Variants in LINGO2 observed in about 807,000 individuals in gnomAD.
The protein encoded by LINGO2 is leucine-rich repeat and immunoglobulin-like domain-containing nogo receptor-interacting protein 2.
In LINGO2, 14 loss-of-function variants were observed where a neutral mutation model predicts 30.6. That is an observed-to-expected ratio of 0.46 (90% CI 0.30 to 0.72). LINGO2 has a LOEUF of 0.72. Ranked by LOEUF, LINGO2 falls within the 30% of genes least tolerant of loss-of-function variation. LINGO2 has a pLI of 0.07. For missense variants in LINGO2, 729 were observed against 751.7 expected (o/e 0.97, Z 0.35); for synonymous variants, 317 against 288.5 (o/e 1.10, Z -1.00).
In LINGO2 at chr9:28,346,312, G is replaced by A. The variant is rs149865613; in HGVS notation, c.-246+26524C>T. Among the ~76,000 whole-genome samples the A allele has an allele frequency of 6.3e-4, 96 of 152,126 alleles. 1 individual carries two copies. Among genetic ancestry groups the A allele is most frequent in the African/African-American group, 2.1e-3 (86 of 41,512 alleles). ...GTGAGAAAATGTGGTATTCATTCCC[G>A]CATTGGTTTGCTAAGGATAATGGCC... On this transcript the variant is annotated intron_variant, in intron 3 of 5. Transcript: ENST00000379992.
the LINGO2 span, among the ~76,000 whole-genome samples, chr9:28,956,821 T>A: frequency 7.1e-6 from 1 of 141,266 alleles, no homozygotes; most frequent in Non-Finnish European, 1.5e-5. Flanking sequence ...TCCCTCACAG[T>A]CTACTTAACA....
the LINGO2 span, among the ~76,000 whole-genome samples, chr9:29,135,484 G>A: frequency 6.6e-6 from 1 of 151,648 alleles, no homozygotes; most frequent in South Asian, 2.1e-4. Context: ...CTTGAACCCA[G>A]GAGATGGAGC....
chr9:29,107,995 C>T, the LINGO2 span, among the ~76,000 whole-genome samples: 1 of 151,914 alleles, frequency 6.6e-6, no homozygotes, highest in African/African-American at 2.4e-5. Context: ...TAGGCAGCTG[C>T]ACACAAAATC....
At chr9:28,918,992 G>A in the LINGO2 span, among the ~76,000 whole-genome samples, 1 of 152,180 alleles carries the variant, frequency 6.6e-6, no homozygotes, top group Non-Finnish European at 1.5e-5. Context: ...ACTGTATCCA[G>A]TATGTTCAAT....
At chr9:28,817,673 A>G in the LINGO2 span, among the ~76,000 whole-genome samples, 6 of 152,342 alleles carry the variant, frequency 3.9e-5, no homozygotes, top group Middle Eastern at 3.4e-3. Flanking sequence ...AGAATCATCA[A>G]TGATGGCCAA....
the LINGO2 span, among the ~76,000 whole-genome samples, chr9:28,713,896 G>A: frequency 2.6e-5 from 4 of 151,906 alleles, no homozygotes; most frequent in African/African-American, 7.3e-5. Flanking sequence ...GGTGGCTCAC[G>A]CCTGTAATCC....
At chr9:28,665,338 T>A (rs1328487464) in intron 1 of LINGO2, among the ~76,000 whole-genome samples, 1 of 152,096 alleles carries the variant, frequency 6.6e-6, no homozygotes, top group African/African-American at 2.4e-5. Flanking sequence ...CGTATGCCAT[T>A]AGATTATGTT....
chr9:28,748,238 T>C, the LINGO2 span, among the ~76,000 whole-genome samples: 3 of 152,020 alleles, frequency 2.0e-5, no homozygotes, highest in Admixed American at 6.5e-5. Context: ...TTACAGACTC[T>C]TTGGTTGTAT....
chr9:29,110,356 G>A, the LINGO2 span, among the ~76,000 whole-genome samples: 4 of 152,032 alleles, frequency 2.6e-5, no homozygotes, highest in African/African-American at 9.7e-5. Context: ...TTTTTGAGAC[G>A]GAGTCTTGCT....
the LINGO2 span, among the ~76,000 whole-genome samples, chr9:28,776,096 A>G: frequency 1.3e-5 from 2 of 152,194 alleles, no homozygotes; most frequent in Admixed American, 1.3e-4. Context: ...AGGATCCTGA[A>G]AAAGTCAGTT....
chr9:28,189,633 GAGGAAGGA>G (rs1564029355), intron 4 of LINGO2, among the ~76,000 whole-genome samples: 1 of 2,452 alleles, frequency 4.1e-4, no homozygotes, highest in East Asian at 0.017. Context: ...GGAAGGGAGG[GAGGAAGGA>G]AGGGAGGGAG....
Position 27,949,116 on chromosome 9 carries a change from G to A in LINGO2, c.1556C>T (p.Thr519Ile), listed in dbSNP as rs1340165701. Residue 519 changes from threonine to isoleucine, a missense_variant, in exon 6 of 6, where the codon ACC becomes ATC. Coordinates refer to ENST00000379992, the Ensembl canonical transcript of LINGO2. ...ATTGGAAATGGTGTCATTGGAGTCG[G>A]TCATGTACATAGGGGTCCTGTTCGC... is the stretch of plus-strand genomic sequence containing the variant. 5 of 1,614,184 alleles carry A rather than the reference G, an allele frequency of 3.1e-6. No individual in the cohort carries two copies. In the East Asian group the frequency reaches 6.7e-5, roughly 22 times the overall value.
chr9:28,234,668 T>C (rs535416877), intron 4 of LINGO2, among the ~76,000 whole-genome samples: 15 of 151,408 alleles, frequency 9.9e-5, no homozygotes, highest in African/African-American at 3.4e-4. Flanking sequence ...CTCCAAGTTC[T>C]TCAGCTTTTG....
intron 1 of LINGO2, among the ~76,000 whole-genome samples, chr9:28,620,854 A>T (rs1826357821): frequency 6.6e-6 from 1 of 152,008 alleles, no homozygotes; most frequent in South Asian, 2.1e-4. Context: ...GAGGGAGAGG[A>T]TCAGGAAAAA....
chr9:28,036,374 G>T (rs947939544), intron 4 of LINGO2, among the ~76,000 whole-genome samples: 15 of 152,176 alleles, frequency 9.9e-5, no homozygotes, highest in African/African-American at 3.6e-4. Flanking sequence ...AGAACAGGCT[G>T]CAGACACACA....
At chr9:28,172,733 A>C (rs1199149408) in intron 4 of LINGO2, among the ~76,000 whole-genome samples, 1 of 151,838 alleles carries the variant, frequency 6.6e-6, no homozygotes, top group Non-Finnish European at 1.5e-5. Context: ...AAATTTTCTC[A>C]ATTTTTTTTT....
chr9:28,647,411 A>G (rs1827888760), intron 1 of LINGO2, among the ~76,000 whole-genome samples: 1 of 152,088 alleles, frequency 6.6e-6, no homozygotes, highest in East Asian at 1.9e-4. Context: ...TGCCAGTTCT[A>G]ATATTCGGTG....
chr9:28,558,293 C>T (rs1409913967), intron 1 of LINGO2, among the ~76,000 whole-genome samples: 1 of 151,842 alleles, frequency 6.6e-6, no homozygotes, highest in African/African-American at 2.4e-5. Context: ...GACATATTCC[C>T]TACAGAAGAT....
chr9:28,340,621 T>A (rs1295291518), intron 3 of LINGO2, among the ~76,000 whole-genome samples: 1 of 152,090 alleles, frequency 6.6e-6, no homozygotes, highest in Non-Finnish European at 1.5e-5. Flanking sequence ...TGAGTAAAAG[T>A]CTCCCCTTTG....
Sources: allele counts gnomAD v4.1 joint callset (sites outside exome capture counted in the v4.1 genomes callset), GRCh38; gene constraint gnomAD v4.1.1; transcripts MANE v1.5; gene names NCBI Gene and HGNC (gene_info 2026-07-23, HGNC 2026-07-21).